The following CFAP44 variants were observed in gnomAD, a reference collection of about 807,000 sequenced individuals.
CFAP44 encodes cilia- and flagella-associated protein 44.
In CFAP44, 134 loss-of-function variants were observed where a neutral mutation model predicts 216.2. That is an observed-to-expected ratio of 0.62 (90% confidence interval 0.54 to 0.72). The LOEUF is 0.72. Ranked by LOEUF, CFAP44 falls within the 30% of genes least tolerant of loss-of-function variation. The pLI, the probability that CFAP44 is intolerant of heterozygous loss-of-function variation, is 0.00. For missense variants in CFAP44, 2,035 were observed against 2,182.1 expected (o/e 0.93, Z 1.34); for synonymous variants, 700 against 727.6 (o/e 0.96, Z 0.61).
chr3:113,413,843 G>C (rs2107381614), intron 6 of CFAP44, among the ~76,000 whole-genome samples: 1 of 152,230 alleles, frequency 6.6e-6, no homozygotes, highest in Middle Eastern at 3.4e-3. Context: ...GACTGTATGG[G>C]GTCTTCTTTG....
At chr3:113,317,991 G>C (rs925597917) in intron 28 of CFAP44, among the ~76,000 whole-genome samples, 1 of 151,970 alleles carries the variant, frequency 6.6e-6, no homozygotes, top group African/African-American at 2.4e-5. Context: ...GCAAACACTA[G>C]GAAATACTAA....
chr3:113,319,762 G>T (rs749014083), intron 28 of CFAP44, among the ~76,000 whole-genome samples: 9 of 151,962 alleles, frequency 5.9e-5, no homozygotes, highest in African/African-American at 1.2e-4. Context: ...CCATACAAAA[G>T]ATTCATGAAA....
chr3:113,427,338 A>C lies in CFAP44; in HGVS notation c.102T>G (p.Ser34=), dbSNP rs1487215562. 6.3e-7 allele frequency: 1 copy of C among 1,586,884 alleles called. No individual in the cohort carries two copies. Among genetic ancestry groups the C allele is most frequent in the South Asian group, 1.2e-5 (1 of 84,850 alleles). The change falls in exon 3 of 35, where the codon TCT becomes TCG. Residue 34 remains serine (S), a splice_region_variant and synonymous_variant. Coordinates refer to ENST00000393845, the MANE Select transcript of CFAP44 (RefSeq NM_001164496.2). ...AAAATGTGTTATCTTCTTGAACAGG[A>C]GCTATTAAAATTTGTTTTAATAACT... ...SLRSSKSESR[S]PVQEDNTFLE...
intron 18 of CFAP44, among the ~76,000 whole-genome samples, chr3:113,367,352 G>A (rs921865004): frequency 6.6e-6 from 1 of 152,198 alleles, no homozygotes; most frequent in African/African-American, 2.4e-5. Context: ...CTGGGATGAA[G>A]CTTCTAGAGG....
chr3:113,429,581 T>C (rs1935049494), intron 2 of CFAP44, among the ~76,000 whole-genome samples: 1 of 152,188 alleles, frequency 6.6e-6, no homozygotes, highest in African/African-American at 2.4e-5. Context: ...TGATAATCTC[T>C]GCCTTTTTAT....
At chr3:113,342,956 C>T (rs964059360) in intron 23 of CFAP44, among the ~76,000 whole-genome samples, 1 of 149,316 alleles carries the variant, frequency 6.7e-6, no homozygotes, top group South Asian at 2.2e-4. Context: ...TTCACTCCAA[C>T]GTGGGGAACA....
intron 26 of CFAP44, among the ~76,000 whole-genome samples, chr3:113,328,696 TAAAAA>T (rs58650082): frequency 7.0e-5 from 2 of 28,570 alleles, no homozygotes; most frequent in South Asian, 4.3e-3. Flanking sequence ...TTAGAGAGCT[TAAAAA>T]AAAAAAAAAA....
At chr3:113,315,549 A>T (rs1950078470) in intron 28 of CFAP44, among the ~76,000 whole-genome samples, 1 of 152,204 alleles carries the variant, frequency 6.6e-6, no homozygotes, top group African/African-American at 2.4e-5. Flanking sequence ...GCAAGAATGT[A>T]AGAGACCTCA....
At chr3:113,295,123 G>A (rs1340263525) in intron 33 of CFAP44, among the ~76,000 whole-genome samples, 2 of 152,236 alleles carry the variant, frequency 1.3e-5, no homozygotes, top group South Asian at 4.1e-4. Context: ...TACTTAAAAG[G>A]AAGGGTGATA....
At chr3:113,423,794 TC>T (rs1934885474) in intron 4 of CFAP44, among the ~76,000 whole-genome samples, 1 of 152,184 alleles carries the variant, frequency 6.6e-6, no homozygotes, top group East Asian at 1.9e-4. Flanking sequence ...ATTCAAGAAT[TC>T]GGCAGCCTTC....
intron 24 of CFAP44, among the ~76,000 whole-genome samples, chr3:113,337,138 T>C (rs1402956884): frequency 2.0e-5 from 3 of 149,898 alleles, no homozygotes. Flanking sequence ...CAAACAAAAA[T>C]CAATTATATT....
At chr3:113,379,593 C>T (rs1025318284) in intron 16 of CFAP44, 42 bp from the exon 17 acceptor site, 11 of 1,466,716 alleles carry the variant, frequency 7.5e-6, no homozygotes, top group Non-Finnish European at 8.3e-6. Flanking sequence ...ACAATTATGA[C>T]TCATTCGTTC....
chr3:113,305,060 A>T lies in CFAP44; in HGVS notation c.4851T>A (p.Val1617=). ...CCTGGTGGAGCTTGAGCGGAATCAC[A>T]ACTAGCAGTTCATTCAGCCGCTGCT... ...EKQQRLNELL[V]VIPLKLHQIE... Residue 1617 remains valine, a synonymous_variant, in exon 31 of 35, where the codon GTT becomes GTA. Coordinates refer to ENST00000393845, the MANE Select transcript of CFAP44 (RefSeq NM_001164496.2). 6.5e-7 allele frequency: 1 copy of T among 1,537,244 alleles called. No homozygotes were observed. The highest frequency in any genetic ancestry group is 8.7e-7 in the Non-Finnish European group (1 of 1,146,904).
At chr3:113,363,419 T>G in intron 20 of CFAP44, 58 bp downstream of exon 20, 1 of 1,581,354 alleles carries the variant, frequency 6.3e-7, no homozygotes, top group Non-Finnish European at 8.6e-7. Flanking sequence ...ACTTCTGCAC[T>G]GTTGATTTGT....
chr3:113,440,067 A>G lies in CFAP44; in HGVS notation c.-6+1386T>C, dbSNP rs371471296. Among the ~76,000 whole-genome samples the G allele has an allele frequency of 9.5e-4, 145 of 152,134 alleles. 1 individual carries two copies. The highest frequency in any genetic ancestry group is 3.3e-3 in the African/African-American group (135 of 41,528). On this transcript the variant is annotated intron_variant, in intron 1 of 34. Coordinates refer to ENST00000393845, the MANE Select transcript of CFAP44 (RefSeq NM_001164496.2). Reference sequence around the variant, plus strand: ...GGTAGGTACCATTATTATTTTATTTATGTATTTATGTATTGAGATGGAGTC... The same window carrying G: ...GGTAGGTACCATTATTATTTTATTTGTGTATTTATGTATTGAGATGGAGTC...
At chr3:113,320,458 C>CTATATGTAA (rs1553753180) in intron 28 of CFAP44, among the ~76,000 whole-genome samples, 3 of 94,012 alleles carry the variant, frequency 3.2e-5, no homozygotes, top group African/African-American at 1.2e-4. Context: ...TATATTACAT[C>CTATATGTAA]TATATATCAT....
intron 17 of CFAP44, among the ~76,000 whole-genome samples, chr3:113,376,377 T>C (rs1199346344): frequency 1.3e-5 from 2 of 152,130 alleles, no homozygotes; most frequent in Non-Finnish European, 2.9e-5. Context: ...GGACTAGAAA[T>C]AAATATTTGA....
chr3:113,320,226 C>T (rs1219674974), intron 28 of CFAP44, among the ~76,000 whole-genome samples: 3 of 127,396 alleles, frequency 2.4e-5, no homozygotes, highest in African/African-American at 8.2e-5. Context: ...GTATATTAGT[C>T]TCTCTCTCTC....
At chr3:113,425,216 T>A (rs1934927793) in intron 4 of CFAP44, among the ~76,000 whole-genome samples, 1 of 152,232 alleles carries the variant, frequency 6.6e-6, no homozygotes, top group Non-Finnish European at 1.5e-5. Context: ...TTTATGTTTT[T>A]ATGTAAAAAG....
Sources: gnomAD v4.1 joint callset for allele counts (sites outside exome capture counted in the v4.1 genomes callset) on GRCh38, gnomAD v4.1.1 for gene constraint, MANE v1.5 for transcripts, NCBI Gene and HGNC (gene_info 2026-07-23, HGNC 2026-07-21) for gene names.